The following FGD4 variants were observed in gnomAD, a reference collection of about 807,000 sequenced individuals.
FGD4 encodes FYVE, RhoGEF and PH domain containing 4.
In FGD4, 42 loss-of-function variants were observed where a neutral mutation model predicts 102.0. The observed-to-expected ratio is 0.41, with a 90% CI of 0.32 to 0.53. The LOEUF is 0.53. Ranked by LOEUF, FGD4 falls within the 20% of genes least tolerant of loss-of-function variation. The probability of loss-of-function intolerance (pLI) is 0.21; values close to 1 mark genes in which losing one functional copy is unlikely to be tolerated. For synonymous variants in FGD4, 380 were observed against 375.7 expected (o/e 1.01, Z -0.13); for missense variants, 902 against 1,078.2 (o/e 0.84, Z 2.29).
intron 1 of FGD4, among the ~76,000 whole-genome samples, chr12:32,443,696 G>A (rs933586661): frequency 4.6e-5 from 7 of 151,358 alleles, no homozygotes; most frequent in Admixed American, 1.3e-4. Flanking sequence ...TAGTGGTGGC[G>A]AAACATGGAG....
intron 1 of FGD4, among the ~76,000 whole-genome samples, chr12:32,432,722 T>C (rs1233825198): frequency 6.6e-6 from 1 of 152,146 alleles, no homozygotes; most frequent in Non-Finnish European, 1.5e-5. Context: ...CCCTTTAACA[T>C]GAACGTGAAC....
chr12:32,438,659 G>C (rs1303230805), intron 1 of FGD4, among the ~76,000 whole-genome samples: 1 of 151,080 alleles, frequency 6.6e-6, no homozygotes, highest in Non-Finnish European at 1.5e-5. Context: ...ACCCAGGCTG[G>C]AGTGCAGTGG....
At position 32,543,339 on chromosome 12, in the gene FGD4, C is replaced by T. The variant is rs139471704; in HGVS notation, c.167-20798C>T. ...GGATGTATTCACCAACTTGGAAGCT[C>T]TCTGATCCTTGTCACTTAGAGGTTT... On this transcript the variant is annotated intron_variant, in intron 1 of 16. Coordinates refer to ENST00000534526, the MANE Select transcript of FGD4 (RefSeq NM_001370298.3). Among the ~76,000 whole-genome samples the T allele has an allele frequency of 6.0e-3, 916 of 152,240 alleles. 8 individuals are homozygous for T. The highest frequency in any genetic ancestry group is 0.02 in the African/African-American group (846 of 41,524).
At position 32,638,800 on chromosome 12, in the gene FGD4, C is replaced by G. The variant is rs1243032437; in HGVS notation, c.2454+5C>G. The G allele has an allele frequency of 2.0e-5, 33 of 1,613,832 alleles. No individual in the cohort carries two copies. Among genetic ancestry groups the G allele is most frequent in the Non-Finnish European group, 2.6e-5 (31 of 1,179,904 alleles). On this transcript the variant is annotated splice_donor_5th_base_variant and intron_variant, in intron 16 of 16. Coordinates refer to ENST00000534526, the MANE Select transcript of FGD4 (RefSeq NM_001370298.3). ...TACATGTATGGTGCCCCCCAGGTAT[C>G]TAAACCACATCTGTCTGAAGGGACA...
At chr12:32,494,625 A>T (rs761605047) in intron 1 of FGD4, among the ~76,000 whole-genome samples, 8 of 152,190 alleles carry the variant, frequency 5.3e-5, no homozygotes, top group African/African-American at 1.9e-4. Context: ...ATTGGATGTG[A>T]TGGAGGAGAC....
chr12:32,627,114 C>T (rs916936494), intron 14 of FGD4, among the ~76,000 whole-genome samples: 1 of 150,906 alleles, frequency 6.6e-6, no homozygotes, highest in African/African-American at 2.4e-5. Context: ...TCCCAAAGTG[C>T]TGGGTTACAG....
chr12:32,610,536 G>A (rs751090508), intron 8 of FGD4, among the ~76,000 whole-genome samples: 2 of 152,070 alleles, frequency 1.3e-5, no homozygotes, highest in Non-Finnish European at 2.9e-5. Flanking sequence ...GGTTCATTGG[G>A]GATTAATTAA....
In FGD4 at chr12:32,594,341, G is replaced by T. The variant is rs539627328; in HGVS notation, c.1012-4156G>T. ...CACATGCGAGGGATCTAAGTTGCAT[G>T]CTCCTTATGAGAATCTAATGACCGA... On this transcript the variant is annotated intron_variant, in intron 4 of 16. Coordinates refer to ENST00000534526, the MANE Select transcript of FGD4 (RefSeq NM_001370298.3). Among the ~76,000 whole-genome samples, 4 of 152,254 alleles carry T rather than the reference G, an allele frequency of 2.6e-5. No individual in the cohort carries two copies. In the East Asian group the frequency reaches 7.7e-4, roughly 29 times the overall value.
chr12:32,478,755 T>C (rs973114556), intron 1 of FGD4, among the ~76,000 whole-genome samples: 2 of 152,158 alleles, frequency 1.3e-5, no homozygotes, highest in Non-Finnish European at 2.9e-5. Flanking sequence ...TAATCTTCCG[T>C]CCTCCTCATA....
In FGD4 at chr12:32,483,690, C is replaced by T. The variant is rs989878235; in HGVS notation, c.167-80447C>T. 3.3e-5 allele frequency among the ~76,000 whole-genome samples: 5 copies of T among 152,172 alleles called. No homozygotes were observed. In the South Asian group the frequency reaches 1.0e-3, roughly 32 times the overall value. ...ACTTTTCTGAGCTAGAGAGAGGGAA[C>T]CAAAAATGCTGACATCCTCATTTGA... On this transcript the variant is annotated intron_variant, in intron 1 of 16. Transcript: ENST00000534526.
chr12:32,571,732 G>A (rs1945683670), intron 2 of FGD4, among the ~76,000 whole-genome samples: 1 of 152,136 alleles, frequency 6.6e-6, no homozygotes, highest in South Asian at 2.1e-4. Context: ...GTGGGAATTA[G>A]GGGATTTTGC....
intron 11 of FGD4, among the ~76,000 whole-genome samples, chr12:32,623,607 A>G (rs1467007721): frequency 2.6e-5 from 4 of 152,200 alleles, no homozygotes; most frequent in East Asian, 3.9e-4. Context: ...TACCAAGCAC[A>G]TACAAACAGA....
At chr12:32,582,671 G>C (rs1946711860) in intron 4 of FGD4, 5 of 635,424 alleles carry the variant, frequency 7.9e-6, no homozygotes, top group Admixed American at 2.9e-5. Context: ...TGTAGTTTCT[G>C]TTAATATCTC....
rs1292337072 is a variant in FGD4, at chr12:32,581,985, A to G, written c.529A>G (p.Lys177Glu). The change falls in exon 4 of 17, where the codon AAG (lysine) becomes GAG (glutamate). Residue 177 changes from lysine to glutamate, a missense_variant. Around this residue, in one of 2 missense-constraint regions of FGD4, gnomAD observed 443 missense variants for 459.2 expected, o/e 0.96. Coordinates refer to ENST00000534526, the MANE Select transcript of FGD4 (RefSeq NM_001370298.3). ...CTCATTATCAAATTATAGTGATTTGAAGAAAGAGTCTGCTGTGAACCTAAA... is the reference window on the plus strand; with the variant it reads ...CTCATTATCAAATTATAGTGATTTGGAGAAAGAGTCTGCTGTGAACCTAAA... Reference protein sequence around the residue: ...GSSLSNYSDLKKESAVNLNAP... With the variant: ...GSSLSNYSDLEKESAVNLNAP... The G allele has an allele frequency of 1.2e-6, 2 of 1,614,146 alleles. No individual in the cohort carries two copies. Among genetic ancestry groups the G allele is most frequent in the Non-Finnish European group, 1.7e-6 (2 of 1,180,014 alleles).
intron 1 of FGD4, among the ~76,000 whole-genome samples, chr12:32,430,911 G>C (rs1418553047): frequency 2.0e-5 from 3 of 152,226 alleles, no homozygotes; most frequent in African/African-American, 7.2e-5. Flanking sequence ...GAAAAGAAGG[G>C]AAGGAGGAGA....
chr12:32,407,166 C>A (rs1244717763), intron 1 of FGD4, among the ~76,000 whole-genome samples: 8 of 142,778 alleles, frequency 5.6e-5, no homozygotes, highest in African/African-American at 1.8e-4. Flanking sequence ...ACTCTTGTTC[C>A]CCAGGCTGGA....
chr12:32,412,869 C>T (rs1022059543), intron 1 of FGD4, among the ~76,000 whole-genome samples: 2 of 148,974 alleles, frequency 1.3e-5, no homozygotes, highest in Non-Finnish European at 1.5e-5. Flanking sequence ...CATGAGCCAC[C>T]GCGCCTGTCC....
At position 32,399,580 on chromosome 12, in the gene FGD4, T is replaced by G. The variant is rs1307605788; in HGVS notation, c.-214T>G. On this transcript the variant is annotated 5_prime_UTR_variant, in exon 1 of 17. Coordinates refer to ENST00000534526, the MANE Select transcript of FGD4 (RefSeq NM_001370298.3). ...GCTGCAGATACCGAGACGCTGCGACTGCCGCAGGAGTCGCCGCAGCCAAAC... is the reference window on the plus strand; with the variant it reads ...GCTGCAGATACCGAGACGCTGCGACGGCCGCAGGAGTCGCCGCAGCCAAAC... 1 of 1,243,198 alleles carries G rather than the reference T, an allele frequency of 8.0e-7. No individual in the cohort carries two copies. The highest frequency in any genetic ancestry group is 2.9e-5 in the East Asian group (1 of 34,398). 77.0% of individuals were successfully genotyped at this position (1,243,198 alleles called of 1,614,324 possible). A position where few individuals can be genotyped will look rare whatever the true frequency, so the allele number is the denominator to read the frequency against.
intron 1 of FGD4, among the ~76,000 whole-genome samples, chr12:32,518,484 A>AG (rs1291032856): frequency 6.6e-6 from 1 of 152,010 alleles, no homozygotes; most frequent in African/African-American, 2.4e-5. Flanking sequence ...ATCTCAAAAA[A>AG]CAACAACAAA....
Sources: gnomAD v4.1 joint callset for allele counts (sites outside exome capture counted in the v4.1 genomes callset) on GRCh38, gnomAD v4.1.1 for gene constraint, gnomAD v4.1.1 regional missense constraint, MANE v1.5 for transcripts, NCBI Gene and HGNC (gene_info 2026-07-23, HGNC 2026-07-21) for gene names.